PCNX4: variants seen among roughly 807,000 people sequenced by gnomAD.
The protein encoded by PCNX4 is pecanex 4.
A neutral mutation model predicts 107.2 loss-of-function variants in PCNX4; 103 were observed. That is an observed-to-expected ratio of 0.96 (90% CI 0.82 to 1.13). The LOEUF (loss-of-function observed/expected upper bound fraction) is 1.13. Among genes scored for constraint, PCNX4 ranks in the 50% most tolerant of loss-of-function variants. The pLI, the probability that PCNX4 is intolerant of heterozygous loss-of-function variation, is 0.00. For synonymous variants in PCNX4, 541 were observed against 481.7 expected (o/e 1.12, Z -1.61); for missense variants, 1,528 against 1,379.4 (o/e 1.11, Z -1.71).
chr14:60,115,335 G>A lies in PCNX4; in HGVS notation c.1231G>A (p.Val411Ile), dbSNP rs150688. ...GTGGATACTTAGAGAAATTCAAAGC[G>A]TATATATCATTGGAATTTTCCGAAA... ...ILWILREIQSVYIIGIFRNPF... is the reference protein window; with the variant it reads ...ILWILREIQSIYIIGIFRNPF... Residue 411 changes from valine (V) to isoleucine (I), a missense_variant, in exon 4 of 11, where the codon GTA (valine) becomes ATA (isoleucine). Physicochemically the swap from Val to Ile is conservative, Grantham distance 29. Coordinates refer to ENST00000406854, the MANE Select transcript of PCNX4 (RefSeq NM_001330177.2). 0.83 allele frequency: 1,339,276 copies of A among 1,606,692 alleles called. 567,543 individuals are homozygous for A. Among genetic ancestry groups the A allele is most frequent in the Non-Finnish European group, 0.87 (1,027,673 of 1,175,252 alleles).
intron 2 of PCNX4, among the ~76,000 whole-genome samples, chr14:60,113,006 A>G (rs999059668): frequency 2.6e-5 from 4 of 152,138 alleles, no homozygotes; most frequent in Non-Finnish European, 5.9e-5. Flanking sequence ...ACATGGTGAA[A>G]CCCTGTCTCT....
rs1595183564 is a variant in PCNX4 at position 60,137,403 on chromosome 14, G to A, written c.*3182G>A. The A allele has an allele frequency of 6.6e-6, 1 of 152,216 alleles. No homozygotes were observed. Among genetic ancestry groups the A allele is most frequent in the Non-Finnish European group, 1.5e-5 (1 of 68,050 alleles). The allele number at this position is 152,216 out of a possible 1,614,324, so 9.4% of individuals were successfully genotyped here. On this transcript the variant is annotated 3_prime_UTR_variant, in exon 11 of 11. Transcript: ENST00000406854. ...ACCATATCCAAATTGTAAGGGTGAAGAAAAACCAGATGCAGTTAGGATCTT... is the reference window on the plus strand; with the variant it reads ...ACCATATCCAAATTGTAAGGGTGAAAAAAAACCAGATGCAGTTAGGATCTT...
intron 7 of PCNX4, among the ~76,000 whole-genome samples, chr14:60,119,525 G>A (rs1036690701): frequency 2.6e-5 from 4 of 152,122 alleles, no homozygotes; most frequent in African/African-American, 4.8e-5. Context: ...TAATTATTAT[G>A]TGAGATGATT....
In PCNX4 at chr14:60,143,908, T is replaced by TA. The variant is rs1427849689; in HGVS notation, c.*9691dup. 6.6e-6 allele frequency: 1 copy of TA among 152,210 alleles called. No homozygotes were observed. Among genetic ancestry groups the TA allele is most frequent in the African/African-American group, 2.4e-5 (1 of 41,454 alleles). 9.4% of individuals were successfully genotyped at this position (152,210 alleles called of 1,614,324 possible). On this transcript the variant is annotated 3_prime_UTR_variant, in exon 11 of 11. Coordinates refer to ENST00000406854, the MANE Select transcript of PCNX4 (RefSeq NM_001330177.2). Reference sequence around the variant, plus strand: ...TGCTGTAAGGTGTTAAATGTTAAAGTAAAATTAATAATAGTAGAAGTAAGG... The same window carrying TA: ...TGCTGTAAGGTGTTAAATGTTAAAGTAAAAATTAATAATAGTAGAAGTAAGG...
chr14:60,113,120 G>A lies in PCNX4; in HGVS notation c.690-1580G>A, dbSNP rs893686726. Among the ~76,000 whole-genome samples the A allele has an allele frequency of 9.8e-5, 15 of 152,288 alleles. 1 individual carries two copies. The highest frequency in any genetic ancestry group is 6.5e-4 in the Admixed American group (10 of 15,312). ...CGCTTGAACCCGGGAGGCAGACGTT[G>A]CAGTGAGCCGAGATTGCGCCACTGC... On this transcript the variant is annotated intron_variant, in intron 2 of 10. Transcript: ENST00000406854.
At position 60,145,911 on chromosome 14, in the gene PCNX4, C is replaced by T. The variant is rs1316862382; in HGVS notation, c.*11690C>T. ...ATAAAGATTCATAAAAACAAAGTTC[C>T]AGACATACAGACTAAAGAAGCAAAT... On this transcript the variant is annotated 3_prime_UTR_variant, in exon 11 of 11. Transcript: ENST00000406854. This position sits in a 1 kb window ranked among gnomAD's most constrained non-coding sequence, Gnocchi z 4.0. 1 of 151,622 alleles carries T rather than the reference C, an allele frequency of 6.6e-6. No individual in the cohort carries two copies. Among genetic ancestry groups the T allele is most frequent in the Non-Finnish European group, 1.5e-5 (1 of 67,920 alleles). 9.4% of individuals were successfully genotyped at this position (151,622 alleles called of 1,614,324 possible). A position where few individuals can be genotyped will look rare whatever the true frequency, so the allele number is the denominator to read the frequency against.
chr14:60,121,167 T>TC (rs1329012610), intron 7 of PCNX4, 29 bp from the exon 8 acceptor site: 1 of 1,490,598 alleles, frequency 6.7e-7, no homozygotes, highest in Non-Finnish European at 8.9e-7. Context: ...TTTTCTTTTT[T>TC]TTTTTTTTTT....
chr14:60,107,565 T>C (rs1035671046), intron 1 of PCNX4, 21 bp from the exon 2 acceptor site: 30 of 1,327,562 alleles, frequency 2.3e-5, no homozygotes, highest in Non-Finnish European at 3.0e-5. Flanking sequence ...ACAGTGACTT[T>C]TTTTAATTTT....
Position 60,135,063 on chromosome 14 carries a change from G to A in PCNX4, c.*842G>A, listed in dbSNP as rs906365461. On this transcript the variant is annotated 3_prime_UTR_variant, in exon 11 of 11. Transcript: ENST00000406854. Reference sequence around the variant, plus strand: ...GAAGAAAATTTTTATAATACGATCTGAATTTTATTTTCATTCTCTTCTTGC... The same window carrying A: ...GAAGAAAATTTTTATAATACGATCTAAATTTTATTTTCATTCTCTTCTTGC... 6.6e-6 allele frequency: 1 copy of A among 152,158 alleles called. No homozygotes were observed. Among genetic ancestry groups the A allele is most frequent in the Admixed American group, 6.5e-5 (1 of 15,270 alleles). 9.4% of individuals were successfully genotyped at this position (152,158 alleles called of 1,614,324 possible).
chr14:60,093,674 A>C (rs891931375), intron 1 of PCNX4, among the ~76,000 whole-genome samples: 3 of 152,180 alleles, frequency 2.0e-5, no homozygotes, highest in African/African-American at 7.2e-5. Context: ...TTGTGTAGAC[A>C]TATATGTTTT....
chr14:60,101,783 A>C (rs1895537667), intron 1 of PCNX4, among the ~76,000 whole-genome samples: 1 of 152,242 alleles, frequency 6.6e-6, no homozygotes, highest in South Asian at 2.1e-4. Flanking sequence ...AATCAAGATA[A>C]AAGTGATAGT....
intron 1 of PCNX4, among the ~76,000 whole-genome samples, chr14:60,098,220 C>G (rs550891278): frequency 6.6e-6 from 1 of 152,242 alleles, no homozygotes; most frequent in Admixed American, 6.5e-5. Flanking sequence ...TCCCTTCTGA[C>G]CAGAGACATT....
Position 60,124,303 on chromosome 14 carries a change from A to G in PCNX4, c.2132A>G (p.Tyr711Cys), listed in dbSNP as rs755437977. ...TTTGAAGATGCTTTTGAGCAAGAAT[A>G]CACAAGAGTATGTTCCCTTAATGAA... ...EVFEDAFEQE[Y>C]TRVCSLNEHF... The change falls in exon 9 of 11, where the codon TAC (tyrosine) becomes TGC (cysteine). Residue 711 changes from tyrosine to cysteine, a missense_variant. Coordinates refer to ENST00000406854, the MANE Select transcript of PCNX4 (RefSeq NM_001330177.2). 6.2e-7 allele frequency: 1 copy of G among 1,610,084 alleles called. No homozygotes were observed. Among genetic ancestry groups the G allele is most frequent in the South Asian group, 1.1e-5 (1 of 90,570 alleles).
chr14:60,114,218 G>C (rs1895793694), intron 2 of PCNX4, among the ~76,000 whole-genome samples: 1 of 152,168 alleles, frequency 6.6e-6, no homozygotes, highest in Non-Finnish European at 1.5e-5. Flanking sequence ...AGCTGCTAAT[G>C]TATGAATGTG....
intron 2 of PCNX4, 46 bp from the exon 3 acceptor site, chr14:60,114,654 C>T (rs1043818424): frequency 3.4e-6 from 5 of 1,478,804 alleles, no homozygotes; most frequent in Non-Finnish European, 4.6e-6. Flanking sequence ...AAAAGATCCT[C>T]TTCTATATAT....
At position 60,137,538 on chromosome 14, in the gene PCNX4, T is replaced by A. The variant is rs1896253846; in HGVS notation, c.*3317T>A. On this transcript the variant is annotated 3_prime_UTR_variant, in exon 11 of 11. Coordinates refer to ENST00000406854, the MANE Select transcript of PCNX4 (RefSeq NM_001330177.2). ...TGAGTTATTTTTATAACTTTTCATG[T>A]TTAGTGTTGGAAAGTTATTTAAGGT... 6.6e-6 allele frequency: 1 copy of A among 152,202 alleles called. No homozygotes were observed. The highest frequency in any genetic ancestry group is 1.5e-5 in the Non-Finnish European group (1 of 68,048). 9.4% of individuals were successfully genotyped at this position (152,202 alleles called of 1,614,324 possible).
Position 60,146,402 on chromosome 14 carries a change from A to G in PCNX4, c.*12181A>G, listed in dbSNP as rs1019120168. The G allele has an allele frequency of 6.6e-6, 1 of 152,174 alleles. No homozygotes were observed. Among genetic ancestry groups the G allele is most frequent in the South Asian group, 2.1e-4 (1 of 4,830 alleles). The allele number at this position is 152,174 out of a possible 1,614,324, so 9.4% of individuals were successfully genotyped here. A position where few individuals can be genotyped will look rare whatever the true frequency, so the allele number is the denominator to read the frequency against. On this transcript the variant is annotated 3_prime_UTR_variant, in exon 11 of 11. Coordinates refer to ENST00000406854, the MANE Select transcript of PCNX4 (RefSeq NM_001330177.2). This position sits in a 1 kb window ranked among gnomAD's most constrained non-coding sequence, Gnocchi z 4.9. ...CCCCTTTGAAAAAAAAATCACTTCT[A>G]TAATATATTCTTTCTCTGCCCTATT...
At chr14:60,113,546 T>A (rs915053060) in intron 2 of PCNX4, among the ~76,000 whole-genome samples, 3 of 152,030 alleles carry the variant, frequency 2.0e-5, no homozygotes, top group Non-Finnish European at 2.9e-5. Context: ...TTTTTGTATT[T>A]TTAGTAGAGA....
At chr14:60,133,635 G>A (rs988064320) in intron 10 of PCNX4, 1 of 491,476 alleles carries the variant, frequency 2.0e-6, no homozygotes, top group Admixed American at 2.3e-5. Flanking sequence ...AGAGCCTATT[G>A]TATCATTCAC....
Sources: gnomAD v4.1 joint callset for allele counts (sites outside exome capture counted in the v4.1 genomes callset) on GRCh38, gnomAD v4.1.1 for gene constraint, Gnocchi (gnomAD v3.1) non-coding constraint, MANE v1.5 for transcripts, NCBI Gene and HGNC (gene_info 2026-07-23, HGNC 2026-07-21) for gene names.